Variants in PTPRJ observed in about 807,000 individuals in gnomAD.
The protein encoded by PTPRJ is receptor-type tyrosine-protein phosphatase eta.
In PTPRJ, 129 loss-of-function variants were observed where a neutral mutation model predicts 141.3. That is an observed-to-expected ratio of 0.91 (90% CI 0.79 to 1.06). PTPRJ has a LOEUF of 1.06. PTPRJ is among the 50% of genes least tolerant of loss of function. The pLI, the probability that PTPRJ is intolerant of heterozygous loss-of-function variation, is 0.00. For missense variants in PTPRJ, 1,601 were observed against 1,679.7 expected, an observed-to-expected ratio of 0.95 and a Z score of 0.82; for synonymous variants, 610 against 640.5, an observed-to-expected ratio of 0.95 and a Z score of 0.72.
intron 1 of PTPRJ, among the ~76,000 whole-genome samples, chr11:48,004,876 C>T (rs1284560947): frequency 1.3e-5 from 2 of 151,848 alleles, no homozygotes; most frequent in Admixed American, 6.6e-5. Flanking sequence ...ATAAAAATAC[C>T]AGCTTTGTTG....
At chr11:48,011,711 C>T (rs1854795590) in intron 1 of PTPRJ, among the ~76,000 whole-genome samples, 1 of 152,146 alleles carries the variant, frequency 6.6e-6, no homozygotes. Context: ...GGCTGGAGTG[C>T]AGTAGCACAA....
At chr11:48,046,076 C>T (rs759647136) in intron 1 of PTPRJ, among the ~76,000 whole-genome samples, 10 of 152,052 alleles carry the variant, frequency 6.6e-5, no homozygotes, top group Non-Finnish European at 1.2e-4. Context: ...GACAGGATCT[C>T]ACTTCTGTGG....
intron 22 of PTPRJ, among the ~76,000 whole-genome samples, chr11:48,161,042 C>G (rs914415282): frequency 6.6e-6 from 1 of 151,710 alleles, no homozygotes; most frequent in Non-Finnish European, 1.5e-5. Context: ...GCCAGGCATG[C>G]TGGTATACAC....
Position 48,144,762 on chromosome 11 carries a change from G to T in PTPRJ, c.2663G>T (p.Arg888Ile). 2 of 1,614,162 alleles carry T rather than the reference G, an allele frequency of 1.2e-6. No individual in the cohort carries two copies. The highest frequency in any genetic ancestry group is 1.1e-5 in the South Asian group (1 of 91,082). ...GATACTTATGTGACATACCTCATAA[G>T]AACAGAAGAAAAGGGACGTTCTCAG... is the stretch of plus-strand genomic sequence containing the variant. The part of the protein sequence containing the change: ...ASDTYVTYLI[R>I]TEEKGRSQSL... The change falls in exon 13 of 25, where the codon AGA (arginine) becomes ATA (isoleucine). Residue 888 changes from arginine to isoleucine, a missense_variant. By Grantham distance (97) the Arg-to-Ile change is moderately conservative (BLOSUM62 -3). Transcript: ENST00000418331.
chr11:47,988,816 C>T (rs1166271937), intron 1 of PTPRJ, among the ~76,000 whole-genome samples: 1 of 150,740 alleles, frequency 6.6e-6, no homozygotes. Flanking sequence ...TTCTCCATAC[C>T]GTCTCATCTG....
In PTPRJ at chr11:48,136,262, C is replaced by G; in HGVS notation, c.1839C>G (p.Val613=). The G allele has an allele frequency of 6.2e-7, 1 of 1,614,222 alleles. No individual in the cohort carries two copies. The highest frequency in any genetic ancestry group is 8.5e-7 in the Non-Finnish European group (1 of 1,180,046). The part of the protein sequence containing the change: ...NITISPEVDH[V]WGDPNSTAQY... ...CCATCTCTCCAGAAGTGGACCACGT[C>G]TGGGGGGACCCCAACTCCACTGCAC... The change falls in exon 9 of 25, where the codon GTC becomes GTG. Residue 613 remains valine, a synonymous_variant. Coordinates refer to ENST00000418331, the MANE Select transcript of PTPRJ (RefSeq NM_002843.4).
At chr11:48,146,316 C>T (rs1294556175) in intron 14 of PTPRJ, among the ~76,000 whole-genome samples, 1 of 152,160 alleles carries the variant, frequency 6.6e-6, no homozygotes, top group Non-Finnish European at 1.5e-5. Flanking sequence ...GGGTGCATCC[C>T]CTACCTTCAA....
At chr11:48,087,446 G>A (rs1284135960) in intron 1 of PTPRJ, among the ~76,000 whole-genome samples, 1 of 152,184 alleles carries the variant, frequency 6.6e-6, no homozygotes, top group East Asian at 1.9e-4. Flanking sequence ...ACAAAGTTGT[G>A]GCCCTCTGTC....
intron 1 of PTPRJ, among the ~76,000 whole-genome samples, chr11:47,994,159 C>T (rs1423691717): frequency 6.7e-6 from 1 of 149,088 alleles, no homozygotes; most frequent in African/African-American, 2.5e-5. Context: ...CTGTGCCTGG[C>T]CTTTTTTTTT....
intron 1 of PTPRJ, among the ~76,000 whole-genome samples, chr11:48,005,833 T>C (rs745456969): frequency 7.2e-5 from 11 of 152,232 alleles, no homozygotes; most frequent in Admixed American, 1.3e-4. Context: ...TTTAAGGGAC[T>C]CTCTGAGACA....
chr11:48,141,789 C>T (rs1406040418), intron 11 of PTPRJ, among the ~76,000 whole-genome samples: 1 of 152,194 alleles, frequency 6.6e-6, no homozygotes. Flanking sequence ...ATACTAGCTT[C>T]TTACTCTAAT....
At chr11:48,052,217 C>T (rs1021556596) in intron 1 of PTPRJ, among the ~76,000 whole-genome samples, 18 of 152,346 alleles carry the variant, frequency 1.2e-4, no homozygotes, top group Middle Eastern at 3.4e-3. Context: ...ACATCCAGCT[C>T]AGTGTGTATG....
Position 48,145,124 on chromosome 11 carries a change from G to A in PTPRJ, c.2911G>A (p.Gly971Ser). ...TGCTGTTTCCTTGCCCCAGGATCCA[G>A]GTAGGGAGAAGACAACAGTCCTGGC... Reference protein sequence around the residue: ...SDAVSLPQDPGVICGAVFGCI... With the variant: ...SDAVSLPQDPSVICGAVFGCI... Residue 971 changes from glycine (G) to serine (S), a missense_variant and splice_region_variant, in exon 14 of 25, where the codon GGT becomes AGT. Coordinates refer to ENST00000418331, the MANE Select transcript of PTPRJ (RefSeq NM_002843.4). The A allele has an allele frequency of 3.1e-6, 5 of 1,613,846 alleles. No homozygotes were observed. The highest frequency in any genetic ancestry group is 4.2e-6 in the Non-Finnish European group (5 of 1,180,000).
chr11:48,077,015 G>A (rs944753154), intron 1 of PTPRJ, among the ~76,000 whole-genome samples: 2 of 151,994 alleles, frequency 1.3e-5, no homozygotes, highest in African/African-American at 2.4e-5. Context: ...TTACAGGCAC[G>A]GGCCACTATG....
intron 1 of PTPRJ, among the ~76,000 whole-genome samples, chr11:48,053,375 A>G (rs1328293484): frequency 9.9e-6 from 1 of 100,596 alleles, no homozygotes; most frequent in Non-Finnish European, 1.8e-5. Flanking sequence ...TATAATATAT[A>G]TAAAATATAT....
intron 1 of PTPRJ, among the ~76,000 whole-genome samples, chr11:48,005,856 C>T (rs1035737246): frequency 6.6e-6 from 1 of 152,162 alleles, no homozygotes; most frequent in Non-Finnish European, 1.5e-5. Context: ...GTTATTATCC[C>T]CTTTTTGCAG....
intron 1 of PTPRJ, among the ~76,000 whole-genome samples, chr11:48,014,843 C>T (rs559380770): frequency 1.4e-4 from 21 of 152,300 alleles, no homozygotes; most frequent in Admixed American, 1.1e-3. Context: ...GCTGGGATTA[C>T]AGGCATGCGC....
intron 3 of PTPRJ, among the ~76,000 whole-genome samples, chr11:48,118,544 A>G (rs1274021503): frequency 6.6e-6 from 1 of 152,204 alleles, no homozygotes; most frequent in Non-Finnish European, 1.5e-5. Flanking sequence ...AAGATGCAAA[A>G]ATCTTTAACC....
At chr11:48,010,051 T>G (rs1854740505) in intron 1 of PTPRJ, among the ~76,000 whole-genome samples, 1 of 152,208 alleles carries the variant, frequency 6.6e-6, no homozygotes, top group Admixed American at 6.5e-5. Context: ...GCCACACGCT[T>G]TCTTGCCACT....
Sources: gnomAD v4.1 joint callset for allele counts (sites outside exome capture counted in the v4.1 genomes callset) on GRCh38, gnomAD v4.1.1 for gene constraint, MANE v1.5 for transcripts, NCBI Gene and HGNC (gene_info 2026-07-23, HGNC 2026-07-21) for gene names.